The following SANBR variants were observed in gnomAD, a reference collection of about 807,000 sequenced individuals.
The protein encoded by SANBR is SANT and BTB domain regulator of CSR.
Under a neutral mutation model 101.8 loss-of-function variants are expected in SANBR, and 77 were observed. That is an observed-to-expected ratio of 0.76 (90% confidence interval 0.63 to 0.91). The LOEUF is 0.91. Among genes scored for constraint, SANBR ranks in the 40% least tolerant of loss-of-function variants. The pLI, the probability that SANBR is intolerant of heterozygous loss-of-function variation, is 0.00. For synonymous variants in SANBR, 279 were observed against 274.7 expected (o/e 1.02, Z -0.15); for missense variants, 875 against 853.0 (o/e 1.03, Z -0.32).
At chr2:61,082,143 A>T (rs1194944760) in intron 7 of SANBR, among the ~76,000 whole-genome samples, 1 of 152,178 alleles carries the variant, frequency 6.6e-6, no homozygotes, top group African/African-American at 2.4e-5. Flanking sequence ...AAGTGCTGGG[A>T]TTATAGGTGT....
chr2:61,106,046 G>A (rs1559124715), intron 13 of SANBR, among the ~76,000 whole-genome samples: 2 of 152,130 alleles, frequency 1.3e-5, no homozygotes, highest in East Asian at 3.9e-4. Flanking sequence ...AAGTACAATG[G>A]TGCTTGCTGA....
Position 61,088,189 on chromosome 2 carries a change from G to C in SANBR, c.921G>C (p.Leu307=). The part of the protein sequence containing the change: ...SKLFCKKIER[L]FDPEYLNPDS... ...TTTTTTGTAAGAAGATTGAAAGACT[G>C]TTTGATCCTGAGTACTTGAATCCAG... The change falls in exon 9 of 22, where the codon CTG becomes CTC. Residue 307 remains leucine, a synonymous_variant. Transcript: ENST00000402291. 6.2e-7 allele frequency: 1 copy of C among 1,606,806 alleles called. No homozygotes were observed. Among genetic ancestry groups the C allele is most frequent in the Non-Finnish European group, 8.5e-7 (1 of 1,177,842 alleles).
At position 61,092,590 on chromosome 2, in the gene SANBR, A is replaced by G; in HGVS notation, c.1212+3A>G. The G allele has an allele frequency of 6.3e-7, 1 of 1,577,300 alleles. No homozygotes were observed. The highest frequency in any genetic ancestry group is 8.6e-7 in the Non-Finnish European group (1 of 1,167,576). ...TGACTTGTTCAAGATGTTATCAGGT[A>G]AGATTTTTTTTTTTAAATATCCTGC... On this transcript the variant is annotated splice_donor_region_variant and intron_variant, in intron 11 of 21. Coordinates refer to ENST00000402291, the MANE Select transcript of SANBR (RefSeq NM_001129993.3).
rs1335439037 is a variant in SANBR at position 61,115,940 on chromosome 2, A to G, written c.1745-39A>G. 5 of 1,291,798 alleles carry G rather than the reference A, an allele frequency of 3.9e-6. No individual in the cohort carries two copies. In the African/African-American group the frequency reaches 6.0e-5, roughly 15 times the overall value. 80.0% of individuals were successfully genotyped at this position (1,291,798 alleles called of 1,614,324 possible). On this transcript the variant is annotated intron_variant, in intron 16 of 21. Transcript: ENST00000402291. ...AGTAACAAGTGGACTGGAAAAGTAT[A>G]TGGGGCCTAAGTTTATAACATTGTC...
In SANBR at chr2:61,083,205, A is replaced by C; in HGVS notation, c.781A>C (p.Thr261Pro). The change falls in exon 8 of 22, where the codon ACC (threonine) becomes CCC (proline). Residue 261 changes from threonine to proline, a missense_variant. Physicochemically the swap from Thr to Pro is conservative, Grantham distance 38 (BLOSUM62 -1). Transcript: ENST00000402291. ...CAAAAATATGAATGCCATAGTAGCT[A>C]CCCCATGCAACATGAACTGTATTAA... Reference protein sequence around the residue: ...CHKNMNAIVATPCNMNCINAN... With the variant: ...CHKNMNAIVAPPCNMNCINAN... 6.2e-7 allele frequency: 1 copy of C among 1,611,908 alleles called. No homozygotes were observed. Among genetic ancestry groups the C allele is most frequent in the Non-Finnish European group, 8.5e-7 (1 of 1,178,072 alleles).
intron 21 of SANBR, among the ~76,000 whole-genome samples, chr2:61,135,395 T>C (rs376405028): frequency 5.9e-5 from 9 of 152,212 alleles, no homozygotes; most frequent in South Asian, 4.1e-4. Flanking sequence ...CAGTAAGTGA[T>C]GGAACTGAGT....
chr2:61,116,803 A>G (rs1003113890), intron 17 of SANBR, among the ~76,000 whole-genome samples: 1 of 152,164 alleles, frequency 6.6e-6, no homozygotes, highest in Non-Finnish European at 1.5e-5. Context: ...CTGTAATCCT[A>G]GCACTTTGGG....
intron 21 of SANBR, among the ~76,000 whole-genome samples, chr2:61,136,071 G>A (rs745591141): frequency 7.2e-5 from 11 of 152,072 alleles, no homozygotes; most frequent in Non-Finnish European, 1.3e-4. Context: ...CTGGGAGGCC[G>A]AGGCGGGCGG....
At chr2:61,086,669 C>T (rs1003363116) in intron 8 of SANBR, among the ~76,000 whole-genome samples, 20 of 151,968 alleles carry the variant, frequency 1.3e-4, no homozygotes, top group African/African-American at 1.7e-4. Context: ...AACTTTTTTC[C>T]GGATGTTTTA....
chr2:61,106,390 C>CAAAAAAAA (rs11364653), intron 13 of SANBR, among the ~76,000 whole-genome samples, 173 bp from the exon 14 acceptor site: 5 of 63,256 alleles, frequency 7.9e-5, no homozygotes, highest in Middle Eastern at 0.011. Context: ...GACTCCATCT[C>CAAAAAAAA]AAAAAAAAAA....
intron 5 of SANBR, among the ~76,000 whole-genome samples, chr2:61,074,663 C>T (rs1681663895): frequency 6.6e-6 from 1 of 152,270 alleles, no homozygotes; most frequent in Admixed American, 6.5e-5. Flanking sequence ...CTTGGCCTCC[C>T]AAAGTGCTGG....
intron 8 of SANBR, among the ~76,000 whole-genome samples, chr2:61,086,134 A>G (rs74739745): frequency 0.015 from 2,279 of 152,112 alleles, 34 homozygotes; most frequent in Middle Eastern, 0.027. Context: ...TGTAGTTTTC[A>G]ATGTAGAGAT....
downstream of SANBR, among the ~76,000 whole-genome samples, chr2:61,128,428 G>GA (rs1684580492): frequency 6.6e-6 from 1 of 152,154 alleles, no homozygotes; most frequent in Non-Finnish European, 1.5e-5. Flanking sequence ...GCCAGGGAGG[G>GA]AGGATTGCTT....
intron 20 of SANBR, among the ~76,000 whole-genome samples, chr2:61,120,386 T>G (rs980408597): frequency 2.0e-5 from 3 of 151,958 alleles, no homozygotes; most frequent in Non-Finnish European, 4.4e-5. Context: ...TGTAATCCCA[T>G]CTACTCAGGA....
intron 11 of SANBR, among the ~76,000 whole-genome samples, chr2:61,097,104 A>T (rs778261529): frequency 8.5e-5 from 13 of 152,228 alleles, no homozygotes; most frequent in Non-Finnish European, 1.5e-4. Context: ...CAGTGAGGCT[A>T]GATGGCACCA....
Position 61,109,180 on chromosome 2 carries a change from ATT to A in SANBR, c.1645-9_1645-8del. ...AATCATAATATTACATTTATAATAGATTTTTTTTTAACTTAGAAACAACAGTC... is the reference window on the plus strand; with the variant it reads ...AATCATAATATTACATTTATAATAGATTTTTTTAACTTAGAAACAACAGTC... On this transcript the variant is annotated splice_polypyrimidine_tract_variant and intron_variant, in intron 15 of 21. Coordinates refer to ENST00000402291, the MANE Select transcript of SANBR (RefSeq NM_001129993.3). The A allele has an allele frequency of 1.6e-6, 2 of 1,232,110 alleles. No individual in the cohort carries two copies. Among genetic ancestry groups the A allele is most frequent in the Non-Finnish European group, 2.2e-6 (2 of 891,694 alleles). 76.3% of individuals were successfully genotyped at this position (1,232,110 alleles called of 1,614,324 possible). A position where few individuals can be genotyped will look rare whatever the true frequency, so the allele number is the denominator to read the frequency against.
chr2:61,114,221 C>T (rs983733447), intron 16 of SANBR, among the ~76,000 whole-genome samples: 3 of 152,176 alleles, frequency 2.0e-5, no homozygotes, highest in African/African-American at 2.4e-5. Flanking sequence ...TACAGACTCC[C>T]AGGAGAGTGC....
chr2:61,115,120 T>C (rs1369341006), intron 16 of SANBR, among the ~76,000 whole-genome samples: 1 of 152,192 alleles, frequency 6.6e-6, no homozygotes, highest in African/African-American at 2.4e-5. Context: ...GGATTTGTAT[T>C]GTTTCTCCCT....
intron 15 of SANBR, 43 bp from the exon 16 acceptor site, chr2:61,109,154 A>C: frequency 4.0e-6 from 4 of 1,003,368 alleles, no homozygotes; most frequent in Non-Finnish European, 5.7e-6. Context: ...ATTCAATAAA[A>C]AATCATAATA....
Sources: allele counts gnomAD v4.1 joint callset (sites outside exome capture counted in the v4.1 genomes callset), GRCh38; gene constraint gnomAD v4.1.1; transcripts MANE v1.5; gene names NCBI Gene and HGNC (gene_info 2026-07-23, HGNC 2026-07-21).